The following KHDC1 variants were observed in gnomAD, a reference collection of about 807,000 sequenced individuals.
KHDC1 encodes the protein KH domain containing 1, also known as KH homology domain-containing protein 1.
A neutral mutation model predicts 24.7 loss-of-function variants in KHDC1; 21 were observed. That is an observed-to-expected ratio of 0.85 (90% CI 0.60 to 1.23). The LOEUF (loss-of-function observed/expected upper bound fraction) is 1.23, where lower values mean the gene tolerates loss of function less well. KHDC1 is among the 50% of genes most tolerant of loss of function. The pLI, the probability that KHDC1 is intolerant of heterozygous loss-of-function variation, is 0.00. For synonymous variants in KHDC1, 98 were observed against 111.7 expected, an observed-to-expected ratio of 0.88 and a Z score of 0.77; for missense variants, 274 against 298.5, an observed-to-expected ratio of 0.92 and a Z score of 0.61.
At chr6:73,274,006 A>G (rs1048736185) in intron 2 of KHDC1, 1 of 152,166 alleles carries the variant, frequency 6.6e-6, no homozygotes, top group African/African-American at 2.4e-5. Flanking sequence ...AGTCCCAGCT[A>G]CTTGGGAAGA....
intron 2 of KHDC1, among the ~76,000 whole-genome samples, chr6:73,272,673 G>A (rs1280321905): frequency 1.3e-5 from 2 of 150,776 alleles, no homozygotes; most frequent in East Asian, 2.1e-4. Context: ...TTACTCAGGA[G>A]GCTAAGGCAG....
Position 73,280,564 on chromosome 6 carries a change from A to G in KHDC1, c.206+11434T>C, listed in dbSNP as rs186738717. On this transcript the variant is annotated intron_variant, in intron 2 of 4. Transcript: ENST00000370384. Reference sequence around the variant, plus strand: ...CTTTTTCTTTTCACTCTTGTTGCCCAGGCTGGAGTACAATGGCATAATCTC... The same window carrying G: ...CTTTTTCTTTTCACTCTTGTTGCCCGGGCTGGAGTACAATGGCATAATCTC... 8.9e-3 allele frequency among the ~76,000 whole-genome samples: 1,148 copies of G among 128,676 alleles called. 18 individuals carry two copies. The highest frequency in any genetic ancestry group is 0.032 in the African/African-American group (1,077 of 33,728). 84.4% of individuals were successfully genotyped at this position (128,676 alleles called of 152,430 possible).
At chr6:73,243,856 T>G (rs1766618955) in intron 2 of KHDC1, among the ~76,000 whole-genome samples, 1 of 152,242 alleles carries the variant, frequency 6.6e-6, no homozygotes, top group South Asian at 2.1e-4. Context: ...TCATACACCA[T>G]GAAACTTTAA....
intron 1 of KHDC1, chr6:73,292,188 C>T: frequency 8.0e-6 from 12 of 1,499,784 alleles, no homozygotes; most frequent in Non-Finnish European, 1.1e-5. Context: ...AATAGAACCA[C>T]AGTTGTTGCA....
intron 2 of KHDC1, among the ~76,000 whole-genome samples, chr6:73,277,088 T>G (rs1251348855): frequency 6.6e-6 from 1 of 152,146 alleles, no homozygotes; most frequent in East Asian, 1.9e-4. Context: ...TTAATGCTAG[T>G]TTTGAAAAAA....
intron 2 of KHDC1, among the ~76,000 whole-genome samples, chr6:73,262,402 A>G (rs1490891574): frequency 6.6e-6 from 1 of 152,026 alleles, no homozygotes; most frequent in African/African-American, 2.4e-5. Flanking sequence ...TTTCCTCACT[A>G]TGCCTTTGCT....
At chr6:73,251,348 A>C (rs1373721228) in intron 2 of KHDC1, among the ~76,000 whole-genome samples, 2 of 152,226 alleles carry the variant, frequency 1.3e-5, no homozygotes, top group African/African-American at 4.8e-5. Context: ...GAAAGTCTGC[A>C]GTGATATTTC....
intron 1 of KHDC1, among the ~76,000 whole-genome samples, chr6:73,304,995 T>C (rs754057282): frequency 6.6e-6 from 1 of 152,166 alleles, no homozygotes; most frequent in Non-Finnish European, 1.5e-5. Context: ...CCAAGCACTT[T>C]GGGAGGCTGA....
rs371184657 is a variant in KHDC1, at chr6:73,242,534, A to G, written c.207-4T>C. 131 of 1,614,050 alleles carry G rather than the reference A, an allele frequency of 8.1e-5. 2 individuals carry two copies. In the African/African-American group the frequency reaches 1.6e-3, roughly 20 times the overall value. On this transcript the variant is annotated splice_polypyrimidine_tract_variant and splice_region_variant and intron_variant, in intron 2 of 4. Coordinates refer to ENST00000370384, the Ensembl canonical transcript of KHDC1. ...CATGTCCATGCTCTGCTCCGACCTG[A>G]TACAGAATAGGGCCAAGTCCAAGCA...
chr6:73,303,257 G>T (rs1363606717), intron 1 of KHDC1, among the ~76,000 whole-genome samples: 1 of 152,080 alleles, frequency 6.6e-6, no homozygotes, highest in Non-Finnish European at 1.5e-5. Flanking sequence ...CAAGAGATTT[G>T]GGGGTGGGGG....
chr6:73,292,357 C>T, intron 1 of KHDC1: 1 of 817,696 alleles, frequency 1.2e-6, no homozygotes, highest in Non-Finnish European at 2.2e-6. Context: ...ATACATTCTA[C>T]ACATATGCAA....
chr6:73,243,306 A>G (rs1297933085), intron 2 of KHDC1, among the ~76,000 whole-genome samples: 3 of 152,154 alleles, frequency 2.0e-5, no homozygotes, highest in Non-Finnish European at 2.9e-5. Context: ...GGAAGATTCA[A>G]CTATGCCTGT....
intron 2 of KHDC1, chr6:73,270,182 A>C (rs560266628): frequency 2.0e-5 from 3 of 152,230 alleles, no homozygotes; most frequent in Admixed American, 1.3e-4. Flanking sequence ...CCCTTTATTA[A>C]ATATTAAATT....
chr6:73,298,423 ATTTTTTTTTTTTTTTT>A (rs370446904), intron 1 of KHDC1, among the ~76,000 whole-genome samples: 1 of 59,956 alleles, frequency 1.7e-5, no homozygotes, highest in African/African-American at 7.5e-5. Flanking sequence ...TACTTTGCAA[ATTTTTTTTTTTTTTTT>A]TTTTTTTTTT....
intron 2 of KHDC1, chr6:73,262,940 C>G (rs1767007704): frequency 1.0e-6 from 1 of 989,130 alleles, no homozygotes; most frequent in Non-Finnish European, 1.2e-6. Context: ...TAACCGAGTT[C>G]GAGACCACAG....
rs182045702 is a variant in KHDC1 at position 73,258,190 on chromosome 6, G to C, written c.207-15660C>G. Among the ~76,000 whole-genome samples, 319 of 152,340 alleles carry C rather than the reference G, an allele frequency of 2.1e-3. 2 individuals are homozygous for C. Among genetic ancestry groups the C allele is most frequent in the African/African-American group, 7.0e-3 (293 of 41,578 alleles). Reference sequence around the variant, plus strand: ...GAATCACTTGAATCCGGGAGGTAGAGGTTGCAGTGAGCTGAGATCGTGCCA... The same window carrying C: ...GAATCACTTGAATCCGGGAGGTAGACGTTGCAGTGAGCTGAGATCGTGCCA... On this transcript the variant is annotated intron_variant, in intron 2 of 4. Coordinates refer to ENST00000370384, the Ensembl canonical transcript of KHDC1.
chr6:73,258,483 T>C (rs1234856489), intron 2 of KHDC1, among the ~76,000 whole-genome samples: 2 of 152,024 alleles, frequency 1.3e-5, no homozygotes, highest in Non-Finnish European at 2.9e-5. Flanking sequence ...TAAGCAAATA[T>C]ATCAGCAAAA....
chr6:73,241,748 G>A lies in KHDC1; in HGVS notation c.515-20C>T, dbSNP rs1230410830. 3.1e-6 allele frequency: 5 copies of A among 1,613,604 alleles called. No individual in the cohort carries two copies. The highest frequency in any genetic ancestry group is 4.2e-6 in the Non-Finnish European group (5 of 1,179,766). Reference sequence around the variant, plus strand: ...CCAGGCCTGCAAAATAAGTGCCCAGGGCTAATGAACCAGGGCCCATAACTG... The same window carrying A: ...CCAGGCCTGCAAAATAAGTGCCCAGAGCTAATGAACCAGGGCCCATAACTG... On this transcript the variant is annotated intron_variant, in intron 4 of 4. Transcript: ENST00000370384.
At position 73,263,202 on chromosome 6, in the gene KHDC1, C is replaced by T. The variant is rs1767018067; in HGVS notation, c.207-20672G>A. On this transcript the variant is annotated intron_variant, in intron 2 of 4. Coordinates refer to ENST00000370384, the Ensembl canonical transcript of KHDC1. ...AGGCGCGCTCGAGCGGAAGTGGCGG[C>T]GACCCCGCCGGAAGCGCGCGGCTGC... The T allele has an allele frequency of 2.0e-6, 2 of 987,030 alleles. No individual in the cohort carries two copies. The highest frequency in any genetic ancestry group is 1.2e-6 in the Non-Finnish European group (1 of 830,770). The allele number at this position is 987,030 out of a possible 1,614,324, so 61.1% of individuals were successfully genotyped here.
Sources: gnomAD v4.1 joint callset for allele counts (sites outside exome capture counted in the v4.1 genomes callset) on GRCh38, gnomAD v4.1.1 for gene constraint, MANE v1.5 for transcripts, NCBI Gene and HGNC (gene_info 2026-07-23, HGNC 2026-07-21) for gene names.